Variants in NEBL observed in about 807,000 individuals in gnomAD.
NEBL encodes nebulette.
In NEBL, 122 loss-of-function variants were observed where a neutral mutation model predicts 140.2. That is an observed-to-expected ratio of 0.87 (90% CI 0.75 to 1.01). The LOEUF is 1.01. NEBL is among the 50% of genes least tolerant of loss of function. The probability of loss-of-function intolerance (pLI) is 0.00; values close to 1 mark genes in which losing one functional copy is unlikely to be tolerated. For synonymous variants in NEBL, 436 were observed against 398.9 expected, an observed-to-expected ratio of 1.09 and a Z score of -1.11; for missense variants, 1,365 against 1,231.3, an observed-to-expected ratio of 1.11 and a Z score of -1.62.
intron 1 of NEBL, chr10:21,172,601 G>C: frequency 1.4e-6 from 1 of 718,772 alleles, no homozygotes; most frequent in Non-Finnish European, 2.4e-6. Flanking sequence ...AACAAAAAGA[G>C]TGTAGGGAAC....
At chr10:21,005,096 A>C (rs1168121157) in intron 3 of NEBL, among the ~76,000 whole-genome samples, 1 of 152,204 alleles carries the variant, frequency 6.6e-6, no homozygotes, top group African/African-American at 2.4e-5. Flanking sequence ...GCTCACAACC[A>C]AATAAACAGA....
At chr10:21,234,685 A>G (rs1189209504) in intron 3 of NEBL, among the ~76,000 whole-genome samples, 1 of 152,126 alleles carries the variant, frequency 6.6e-6, no homozygotes, top group Non-Finnish European at 1.5e-5. Context: ...CTCCCAGAGA[A>G]CCTCAGCCGA....
intron 11 of NEBL, among the ~76,000 whole-genome samples, chr10:20,846,213 C>G (rs1197665773): frequency 6.6e-6 from 1 of 152,060 alleles, no homozygotes; most frequent in Non-Finnish European, 1.5e-5. Flanking sequence ...AATATCCATC[C>G]ATGTGAAATA....
intron 3 of NEBL, among the ~76,000 whole-genome samples, chr10:21,186,873 G>GA (rs111427206): frequency 4.7e-5 from 7 of 150,536 alleles, no homozygotes; most frequent in Admixed American, 1.3e-4. Context: ...AATGACAAGG[G>GA]AAAAAAAAGC....
chr10:21,000,066 T>C (rs1003558863), intron 3 of NEBL, among the ~76,000 whole-genome samples: 2 of 150,918 alleles, frequency 1.3e-5, no homozygotes, highest in African/African-American at 2.4e-5. Flanking sequence ...CCACGAACTA[T>C]TGTAGTTTGG....
At chr10:21,063,333 T>G (rs981356830) in intron 2 of NEBL, among the ~76,000 whole-genome samples, 1 of 152,170 alleles carries the variant, frequency 6.6e-6, no homozygotes, top group Non-Finnish European at 1.5e-5. Flanking sequence ...GGCTGCATCT[T>G]CTGCCTTCTA....
chr10:21,265,078 G>A (rs574275835), intron 1 of NEBL, among the ~76,000 whole-genome samples: 10 of 151,894 alleles, frequency 6.6e-5, no homozygotes, highest in Middle Eastern at 3.4e-3. Flanking sequence ...GTGCGCCACC[G>A]TGCCCGACTA....
chr10:20,918,645 G>A (rs1033337108), intron 4 of NEBL, among the ~76,000 whole-genome samples: 2 of 151,780 alleles, frequency 1.3e-5, no homozygotes, highest in African/African-American at 2.4e-5. Flanking sequence ...TCAGGAGATC[G>A]AGACCATCCT....
intron 4 of NEBL, among the ~76,000 whole-genome samples, chr10:20,913,613 C>T (rs1045691287): frequency 1.3e-5 from 2 of 152,078 alleles, no homozygotes; most frequent in African/African-American, 4.8e-5. Context: ...TACGAAATAT[C>T]GTATCAGGAA....
chr10:21,187,736 A>G (rs1030738602), intron 3 of NEBL, among the ~76,000 whole-genome samples: 22 of 151,666 alleles, frequency 1.5e-4, no homozygotes, highest in African/African-American at 5.3e-4. Flanking sequence ...CTAGTCTCAA[A>G]CTCCTGAGCT....
intron 3 of NEBL, among the ~76,000 whole-genome samples, chr10:20,987,150 C>T (rs1468189857): frequency 2.6e-5 from 4 of 151,268 alleles, no homozygotes; most frequent in Non-Finnish European, 5.9e-5. Flanking sequence ...CTATCTGTAC[C>T]GACCGTTATG....
rs778387077 is a variant in NEBL, at chr10:20,812,758, C to T, written c.2518+11G>A. ...ACCACACACACCGGCCGACAAACGC[C>T]GTCAGCTTACCAACAATGATTCCAG... On this transcript the variant is annotated intron_variant, in intron 24 of 27. Coordinates refer to ENST00000377122, the MANE Select transcript of NEBL (RefSeq NM_006393.3). The T allele has an allele frequency of 7.4e-6, 12 of 1,613,738 alleles. No individual in the cohort carries two copies. Among genetic ancestry groups the T allele is most frequent in the East Asian group, 4.5e-5 (2 of 44,810 alleles).
At chr10:21,046,214 A>T (rs950337406) in intron 2 of NEBL, among the ~76,000 whole-genome samples, 2 of 152,224 alleles carry the variant, frequency 1.3e-5, no homozygotes, top group Non-Finnish European at 2.9e-5. Context: ...AATGGTGATT[A>T]CCAGAGGCTG....
intron 4 of NEBL, among the ~76,000 whole-genome samples, chr10:20,936,851 C>G (rs150192061): frequency 2.0e-5 from 3 of 152,134 alleles, no homozygotes; most frequent in African/African-American, 7.2e-5. Flanking sequence ...AAGCTTGGGT[C>G]GATTCCTTTT....
chr10:20,989,292 GT>G (rs1221496745), intron 3 of NEBL, among the ~76,000 whole-genome samples: 1 of 115,960 alleles, frequency 8.6e-6, no homozygotes, highest in Non-Finnish European at 1.6e-5. Flanking sequence ...CTTTGGGGAG[GT>G]TTTTTGTTTT....
intron 3 of NEBL, among the ~76,000 whole-genome samples, chr10:21,233,396 T>C (rs1373507977): frequency 1.3e-5 from 2 of 152,080 alleles, no homozygotes; most frequent in Non-Finnish European, 2.9e-5. Context: ...CTATTCAGAA[T>C]TGTAAGAGCA....
upstream of NEBL, among the ~76,000 whole-genome samples, chr10:20,899,955 G>C (rs1183198904): frequency 6.6e-6 from 1 of 152,126 alleles, no homozygotes; most frequent in Non-Finnish European, 1.5e-5. Context: ...CTCTAAAAAA[G>C]TGTTAAGCCC....
chr10:21,287,325 C>T (rs916770701), intron 1 of NEBL, among the ~76,000 whole-genome samples: 1 of 152,152 alleles, frequency 6.6e-6, no homozygotes, highest in Non-Finnish European at 1.5e-5. Flanking sequence ...CACTTGAGGT[C>T]AGGAGTCTGG....
chr10:21,070,485 C>A (rs1390471075), intron 2 of NEBL, among the ~76,000 whole-genome samples: 2 of 152,070 alleles, frequency 1.3e-5, no homozygotes, highest in African/African-American at 4.8e-5. Flanking sequence ...CCCAGCAATT[C>A]CTACTTGGAC....
Sources: allele counts gnomAD v4.1 joint callset (sites outside exome capture counted in the v4.1 genomes callset), GRCh38; gene constraint gnomAD v4.1.1; transcripts MANE v1.5; gene names NCBI Gene and HGNC (gene_info 2026-07-23, HGNC 2026-07-21).